The following LIMK2 variants were observed in gnomAD, a reference collection of about 807,000 sequenced individuals.
LIMK2 encodes the protein LIM domain kinase 2.
LIMK2 carries 35 observed loss-of-function variants against 75.7 expected under a neutral mutation model. The ratio of observed to expected loss-of-function variants is 0.46; its 90% CI spans 0.35 to 0.61. LIMK2 has a LOEUF of 0.61. LIMK2 is among the 20% of genes least tolerant of loss of function. LIMK2 has a pLI of 0.00. For missense variants in LIMK2, 623 were observed against 831.0 expected (o/e 0.75, Z 3.08); for synonymous variants, 301 against 319.2 (o/e 0.94, Z 0.61).
chr22:31,268,335 T>C, intron 11 of LIMK2, 135 bp downstream of exon 11: 1 of 760,682 alleles, frequency 1.3e-6, no homozygotes, highest in South Asian at 1.4e-5. Context: ...ATTGAGTTTG[T>C]CTGTGTCACT....
At chr22:31,269,877 A>C (rs974141033) in intron 11 of LIMK2, among the ~76,000 whole-genome samples, 2 of 151,594 alleles carry the variant, frequency 1.3e-5, no homozygotes, top group South Asian at 4.2e-4. Context: ...AACATTTCAA[A>C]TTTCTGAATT....
rs770265657 is a variant in LIMK2 at position 31,259,934 on chromosome 22, ACT to A, written c.412_413del (p.Ser138HisfsTer22). 3 of 1,608,830 alleles carry A rather than the reference ACT, an allele frequency of 1.9e-6. No homozygotes were observed. The highest frequency in any genetic ancestry group is 1.3e-5 in the African/African-American group (1 of 74,378). On this transcript the variant is annotated frameshift_variant, in exon 5 of 16. Transcript: ENST00000331728. LOFTEE classifies it high-confidence loss of function. ...EVVLAPMFER[L>X]STESVQEQLP... is the part of the protein sequence containing the mutation. ...TGGTGCTGGCACCCATGTTTGAGAG[ACT>A]CTCCACAGAGTCTGTTCAGGAGCAG...
intron 2 of LIMK2, among the ~76,000 whole-genome samples, chr22:31,235,100 C>G (rs537181051): frequency 1.3e-5 from 2 of 152,130 alleles, no homozygotes; most frequent in Non-Finnish European, 2.9e-5. Context: ...TTAATGATAT[C>G]TTAAGACCTC....
chr22:31,229,297 G>A (rs2048506125), intron 2 of LIMK2, among the ~76,000 whole-genome samples: 1 of 152,178 alleles, frequency 6.6e-6, no homozygotes, highest in Non-Finnish European at 1.5e-5. Context: ...CCCTCAGATA[G>A]AGCCTGGTAA....
At chr22:31,275,835 C>G (rs1270136890) in intron 15 of LIMK2, among the ~76,000 whole-genome samples, 2 of 152,156 alleles carry the variant, frequency 1.3e-5, no homozygotes, top group South Asian at 2.1e-4. Context: ...ATGCATTTAG[C>G]TAATTTCTCC....
At chr22:31,263,591 A>G (rs560255998) in intron 7 of LIMK2, among the ~76,000 whole-genome samples, 2 of 151,930 alleles carry the variant, frequency 1.3e-5, no homozygotes. Flanking sequence ...TGTAATCCCA[A>G]CACTCTGGGA....
chr22:31,265,994 G>C lies in LIMK2; in HGVS notation c.903G>C (p.Glu301Asp), dbSNP rs1259559279. ...SKSPGPSSPKEPLLFSRDISR... is the reference protein window; with the variant it reads ...SKSPGPSSPKDPLLFSRDISR... ...CCCCTGGCCCCAGCTCCCCAAAGGAGCCCCTGCTGTTCAGCCGTGACATCA... is the reference window on the plus strand; with the variant it reads ...CCCCTGGCCCCAGCTCCCCAAAGGACCCCCTGCTGTTCAGCCGTGACATCA... Residue 301 changes from glutamate (E) to aspartate (D), a missense_variant, in exon 8 of 16, where the codon GAG becomes GAC. This residue lies in a region of LIMK2 where 514 missense variants were observed against 661.3 expected (regional missense o/e 0.78). Transcript: ENST00000331728. The C allele has an allele frequency of 6.2e-7, 1 of 1,613,996 alleles. No individual in the cohort carries two copies. The highest frequency in any genetic ancestry group is 1.7e-5 in the Admixed American group (1 of 59,998).
chr22:31,260,534 C>A (rs751701617), intron 5 of LIMK2, among the ~76,000 whole-genome samples: 2 of 152,136 alleles, frequency 1.3e-5, no homozygotes, highest in Non-Finnish European at 2.9e-5. Context: ...TGGTCCATGG[C>A]CCAAAAGAAG....
intron 14 of LIMK2, among the ~76,000 whole-genome samples, 171 bp downstream of exon 14, chr22:31,273,678 T>C (rs2048982013): frequency 1.3e-5 from 2 of 152,146 alleles, no homozygotes; most frequent in Non-Finnish European, 2.9e-5. Flanking sequence ...TCGTGTTTCA[T>C]TGGTCTTAAG....
At chr22:31,234,866 C>T (rs1034316840) in intron 2 of LIMK2, among the ~76,000 whole-genome samples, 1 of 152,134 alleles carries the variant, frequency 6.6e-6, no homozygotes, top group African/African-American at 2.4e-5. Flanking sequence ...CTGACAAGGG[C>T]TTTGTTCATT....
At chr22:31,224,026 T>TCGG (rs2048458630) in intron 1 of LIMK2, among the ~76,000 whole-genome samples, 1 of 152,190 alleles carries the variant, frequency 6.6e-6, no homozygotes, top group African/African-American at 2.4e-5. Context: ...GAAACAGGGT[T>TCGG]CGGTGACTGT....
intron 2 of LIMK2, among the ~76,000 whole-genome samples, chr22:31,236,785 G>A (rs2048579361): frequency 6.6e-6 from 1 of 150,914 alleles, no homozygotes; most frequent in Non-Finnish European, 1.5e-5. Flanking sequence ...ATGGTGGCAT[G>A]CTCCTGTAGT....
chr22:31,276,799 GGGGCCGCAGGAGAGGGCCC>G lies in LIMK2; in HGVS notation c.1773-1493_1773-1475del, dbSNP rs2049029204. 1.5e-5 allele frequency: 24 copies of G among 1,609,060 alleles called. No homozygotes were observed. In the East Asian group the frequency reaches 5.4e-4, roughly 36 times the overall value. Reference sequence around the variant, plus strand: ...CGCATCTACTTTCAGAGCCCCCCCCGGGGCCGCAGGAGAGGGCCCGGGCTGCGCGGATGATGAGGGCCCA... The same window carrying G: ...CGCATCTACTTTCAGAGCCCCCCCCGGGGCTGCGCGGATGATGAGGGCCCA... On this transcript the variant is annotated intron_variant, in intron 15 of 15. Transcript: ENST00000331728.
chr22:31,268,145 A>T lies in LIMK2; in HGVS notation c.1262A>T (p.Asp421Val), dbSNP rs141613754. 15 of 1,613,886 alleles carry T rather than the reference A, an allele frequency of 9.3e-6. No individual in the cohort carries two copies. The African/African-American group carries it at 2.0e-4, about 22-fold the overall frequency. The part of the protein sequence containing the change: ...GTLKDFLRSM[D>V]PFPWQQKVRF... ...TGAAAATCATTCCCCATTCTGCAGG[A>T]TCCGTTCCCCTGGCAGCAGAAGGTC... Residue 421 changes from aspartate (D) to valine (V), a missense_variant and splice_region_variant, in exon 11 of 16, where the codon GAT becomes GTT. Around this residue, in one of 3 missense-constraint regions of LIMK2, gnomAD observed 514 missense variants for 661.3 expected, o/e 0.78. Transcript: ENST00000331728.
chr22:31,213,623 G>A (rs1182562776), intron 1 of LIMK2, among the ~76,000 whole-genome samples: 1 of 152,116 alleles, frequency 6.6e-6, no homozygotes, highest in Non-Finnish European at 1.5e-5. Flanking sequence ...AATTTTTTTA[G>A]GCTGGGCGTG....
intron 1 of LIMK2, among the ~76,000 whole-genome samples, chr22:31,215,528 G>A (rs2048382574): frequency 6.6e-6 from 1 of 152,164 alleles, no homozygotes; most frequent in Non-Finnish European, 1.5e-5. Flanking sequence ...GTTGTCCAGG[G>A]TCACTCAACT....
In LIMK2 at chr22:31,258,369, G is replaced by A. The variant is rs554904269; in HGVS notation, c.195G>A (p.Trp65Ter). ...DGKLYCPKDYWGKFGEFCHGC... is the reference protein window; with the variant it reads ...DGKLYCPKDY ...AGCTCTACTGCCCCAAGGACTACTGGGGGAAGTTTGGGGAGTTCTGTCATG... is the reference window on the plus strand; with the variant it reads ...AGCTCTACTGCCCCAAGGACTACTGAGGGAAGTTTGGGGAGTTCTGTCATG... Residue 65 changes from tryptophan (W) to a stop codon, truncating the protein, a stop_gained, in exon 3 of 16, where the codon TGG becomes TGA. Transcript: ENST00000331728. LOFTEE classifies it high-confidence loss of function. 2 of 1,614,104 alleles carry A rather than the reference G, an allele frequency of 1.2e-6. No homozygotes were observed. The highest frequency in any genetic ancestry group is 2.2e-5 in the South Asian group (2 of 91,074).
intron 2 of LIMK2, among the ~76,000 whole-genome samples, chr22:31,236,293 T>TAAAAAA (rs58401512): frequency 9.6e-6 from 1 of 104,150 alleles, no homozygotes. Context: ...AGACTCAGTC[T>TAAAAAA]AAAAAAAAAA....
rs1165567194 is a variant in LIMK2, at chr22:31,279,363, T to G, written c.*922T>G. The G allele has an allele frequency of 2.0e-5, 3 of 152,070 alleles. No homozygotes were observed. Among genetic ancestry groups the G allele is most frequent in the Non-Finnish European group, 2.9e-5 (2 of 68,046 alleles). The allele number at this position is 152,070 out of a possible 1,614,324, so 9.4% of individuals were successfully genotyped here. ...AGTGTGGCTTGTCACAGGCCTAGAGTCTGAGGGAGGGGAGTGGGAGTCTCA... is the reference window on the plus strand; with the variant it reads ...AGTGTGGCTTGTCACAGGCCTAGAGGCTGAGGGAGGGGAGTGGGAGTCTCA... On this transcript the variant is annotated 3_prime_UTR_variant, in exon 16 of 16. Coordinates refer to ENST00000331728, the MANE Select transcript of LIMK2 (RefSeq NM_005569.4).
Sources: gnomAD v4.1 joint callset for allele counts (sites outside exome capture counted in the v4.1 genomes callset) on GRCh38, gnomAD v4.1.1 for gene constraint, gnomAD v4.1.1 regional missense constraint, MANE v1.5 for transcripts, NCBI Gene and HGNC (gene_info 2026-07-23, HGNC 2026-07-21) for gene names.